GRM8: variants seen among roughly 807,000 people sequenced by gnomAD.
GRM8 encodes metabotropic glutamate receptor 8.
In GRM8, 47 loss-of-function variants were observed where a neutral mutation model predicts 87.2. The observed-to-expected ratio is 0.54, with a 90% CI of 0.43 to 0.69. The LOEUF (loss-of-function observed/expected upper bound fraction) is 0.69. Ranked by LOEUF, GRM8 falls within the 30% of genes least tolerant of loss-of-function variation. GRM8 has a pLI of 0.00. For synonymous variants in GRM8, 396 were observed against 404.5 expected, an observed-to-expected ratio of 0.98 and a Z score of 0.25; for missense variants, 1,019 against 1,139.2, an observed-to-expected ratio of 0.89 and a Z score of 1.52.
chr7:127,141,388 T>G (rs1828247314), intron 2 of GRM8, among the ~76,000 whole-genome samples: 1 of 152,134 alleles, frequency 6.6e-6, no homozygotes, highest in African/African-American at 2.4e-5. Flanking sequence ...TACCTTAATT[T>G]TACTCAAGAC....
chr7:126,658,599 G>A (rs977471645), intron 7 of GRM8, among the ~76,000 whole-genome samples: 6 of 151,718 alleles, frequency 4.0e-5, no homozygotes, highest in African/African-American at 1.2e-4. Context: ...GTGGCATTGG[G>A]TTTATCTGTT....
chr7:127,105,471 G>A (rs573084674), intron 3 of GRM8: 1 of 152,280 alleles, frequency 6.6e-6, no homozygotes, highest in African/African-American at 2.4e-5. Flanking sequence ...GCAGTCATCT[G>A]CAAGTCTCTC....
Position 127,206,428 on chromosome 7 carries a change from C to A in GRM8, c.510+36267G>T, listed in dbSNP as rs1208450852. ...CTCCTGTATGGCATTCCCTGGCTATCAACTGCCCTGAGTAGGTTAGCCTCA... is the reference window on the plus strand; with the variant it reads ...CTCCTGTATGGCATTCCCTGGCTATAAACTGCCCTGAGTAGGTTAGCCTCA... On this transcript the variant is annotated intron_variant, in intron 2 of 10. Transcript: ENST00000339582. Among the ~76,000 whole-genome samples the A allele has an allele frequency of 3.9e-5, 6 of 152,286 alleles. No individual in the cohort carries two copies. In the South Asian group the frequency reaches 6.2e-4, roughly 16 times the overall value.
intron 2 of GRM8, among the ~76,000 whole-genome samples, chr7:127,200,278 T>C (rs1449608844): frequency 6.6e-6 from 1 of 152,098 alleles, no homozygotes; most frequent in Admixed American, 6.6e-5. Context: ...CTTCTTTAGA[T>C]TTTTTTTAAG....
chr7:126,597,436 T>C (rs1026850037), intron 8 of GRM8, among the ~76,000 whole-genome samples: 2 of 152,074 alleles, frequency 1.3e-5, no homozygotes, highest in Non-Finnish European at 1.5e-5. Flanking sequence ...TACTCTAGGA[T>C]ACAGGATTCA....
intron 7 of GRM8, among the ~76,000 whole-genome samples, chr7:126,648,972 G>A (rs1194940597): frequency 6.6e-6 from 1 of 152,208 alleles, no homozygotes; most frequent in Non-Finnish European, 1.5e-5. Context: ...ATGGCTGTGA[G>A]AAGAAAGTCT....
At chr7:126,630,845 ACT>A (rs1268075770) in intron 7 of GRM8, among the ~76,000 whole-genome samples, 4 of 152,128 alleles carry the variant, frequency 2.6e-5, no homozygotes, top group African/African-American at 9.7e-5. Flanking sequence ...CATGTTAAAA[ACT>A]CTCAATAAAC....
chr7:126,671,876 C>T (rs1214757658), intron 7 of GRM8, among the ~76,000 whole-genome samples: 1 of 152,152 alleles, frequency 6.6e-6, no homozygotes, highest in Non-Finnish European at 1.5e-5. Context: ...TGGAGGAGAA[C>T]TCAGCTCCAG....
At chr7:126,626,594 C>T (rs1253898840) in intron 7 of GRM8, among the ~76,000 whole-genome samples, 1 of 152,130 alleles carries the variant, frequency 6.6e-6, no homozygotes, top group Non-Finnish European at 1.5e-5. Flanking sequence ...TTTGTCCATC[C>T]TTGACACAAT....
intron 3 of GRM8, among the ~76,000 whole-genome samples, chr7:127,045,598 G>A (rs1024138898): frequency 1.3e-5 from 2 of 151,222 alleles, no homozygotes; most frequent in Admixed American, 1.3e-4. Context: ...TTTTTTAAAT[G>A]GTGTAGAGAC....
At chr7:126,799,925 C>T (rs1260974361) in intron 6 of GRM8, among the ~76,000 whole-genome samples, 1 of 152,028 alleles carries the variant, frequency 6.6e-6, no homozygotes, top group Non-Finnish European at 1.5e-5. Context: ...CTTCAGAATC[C>T]AGTAATCTCC....
chr7:126,965,432 TATC>T (rs1333095500), intron 3 of GRM8, among the ~76,000 whole-genome samples: 3 of 152,210 alleles, frequency 2.0e-5, no homozygotes, highest in African/African-American at 7.2e-5. Context: ...ATTAAAAATA[TATC>T]TAGACTAGTG....
At chr7:127,247,836 C>A (rs1023288824) in intron 1 of GRM8, among the ~76,000 whole-genome samples, 1 of 152,158 alleles carries the variant, frequency 6.6e-6, no homozygotes, top group Non-Finnish European at 1.5e-5. Flanking sequence ...AACATCAGAG[C>A]AAGGCTTTGC....
chr7:126,655,730 A>C (rs1804450572), intron 7 of GRM8, among the ~76,000 whole-genome samples: 1 of 152,218 alleles, frequency 6.6e-6, no homozygotes, highest in Non-Finnish European at 1.5e-5. Context: ...CAAAATTATG[A>C]TGGAAACAAA....
intron 9 of GRM8, among the ~76,000 whole-genome samples, chr7:126,522,160 A>G (rs1289950447): frequency 1.3e-5 from 2 of 152,168 alleles, no homozygotes; most frequent in Non-Finnish European, 2.9e-5. Flanking sequence ...TACAAGCACA[A>G]TCACATGCCA....
chr7:127,175,008 T>G (rs1326431121), intron 2 of GRM8, among the ~76,000 whole-genome samples: 2 of 152,186 alleles, frequency 1.3e-5, no homozygotes, highest in Admixed American at 6.5e-5. Context: ...TCTACCCAGA[T>G]TAGTTTTATA....
intron 3 of GRM8, among the ~76,000 whole-genome samples, chr7:126,956,610 T>C (rs1468219246): frequency 1.3e-5 from 2 of 152,212 alleles, no homozygotes; most frequent in Non-Finnish European, 2.9e-5. Flanking sequence ...ACATTAGATA[T>C]ATCTCCTAAT....
intron 6 of GRM8, among the ~76,000 whole-genome samples, chr7:126,860,420 T>A (rs1415098026): frequency 6.6e-6 from 1 of 152,184 alleles, no homozygotes; most frequent in African/African-American, 2.4e-5. Flanking sequence ...TAATTATTTA[T>A]ATGAATAAGA....
chr7:126,455,628 C>T (rs1451493994), intron 9 of GRM8, among the ~76,000 whole-genome samples: 2 of 151,612 alleles, frequency 1.3e-5, no homozygotes, highest in Non-Finnish European at 3.0e-5. Flanking sequence ...AGAATATGGG[C>T]CTGAAGAGCT....
Sources: allele counts gnomAD v4.1 joint callset (sites outside exome capture counted in the v4.1 genomes callset), GRCh38; gene constraint gnomAD v4.1.1; transcripts MANE v1.5; gene names NCBI Gene and HGNC (gene_info 2026-07-23, HGNC 2026-07-21).